PRKG1: variants seen among roughly 807,000 people sequenced by gnomAD.
PRKG1 encodes the protein cGMP-dependent protein kinase 1.
PRKG1 carries 35 observed loss-of-function variants against 88.1 expected under a neutral mutation model. The ratio of observed to expected loss-of-function variants is 0.40; its 90% CI spans 0.30 to 0.53. The LOEUF (loss-of-function observed/expected upper bound fraction) is 0.53, where lower values mean the gene tolerates loss of function less well. Among genes scored for constraint, PRKG1 ranks in the 20% least tolerant of loss-of-function variants. The pLI is 0.59. For synonymous variants in PRKG1, 303 were observed against 292.5 expected, an observed-to-expected ratio of 1.04 and a Z score of -0.37; for missense variants, 540 against 839.8, an observed-to-expected ratio of 0.64 and a Z score of 4.41.
chr10:52,144,687 C>T (rs1334856127), intron 8 of PRKG1, among the ~76,000 whole-genome samples: 1 of 151,368 alleles, frequency 6.6e-6, no homozygotes, highest in East Asian at 2.0e-4. Flanking sequence ...CATGGTGGCA[C>T]ACACCTGTAG....
chr10:51,235,757 GTGAAAAT>G (rs1357846577), intron 2 of PRKG1, among the ~76,000 whole-genome samples: 3 of 152,112 alleles, frequency 2.0e-5, no homozygotes, highest in Non-Finnish European at 4.4e-5. Context: ...CATCAAAATG[GTGAAAAT>G]TGGTTAAATT....
intron 2 of PRKG1, among the ~76,000 whole-genome samples, chr10:51,227,246 G>A (rs1589260538): frequency 6.6e-6 from 1 of 151,404 alleles, no homozygotes; most frequent in East Asian, 1.9e-4. Context: ...GTCATCATAG[G>A]CTTATAGTGC....
intron 17 of PRKG1, among the ~76,000 whole-genome samples, chr10:52,290,908 CTCTT>C (rs1398961063): frequency 1.4e-5 from 2 of 146,452 alleles, no homozygotes; most frequent in Non-Finnish European, 3.0e-5. Flanking sequence ...TACATGATCA[CTCTT>C]TTTTTTTTTT....
intron 2 of PRKG1, among the ~76,000 whole-genome samples, chr10:51,195,093 A>C (rs1904680): frequency 0.053 from 8,082 of 152,302 alleles, 399 homozygotes; most frequent in African/African-American, 0.13. Flanking sequence ...TGCAGGAAAC[A>C]CATAGCCTTC....
At chr10:51,372,354 G>A (rs1340742649) in intron 2 of PRKG1, among the ~76,000 whole-genome samples, 1 of 152,066 alleles carries the variant, frequency 6.6e-6, no homozygotes, top group African/African-American at 2.4e-5. Context: ...AAGTACAATT[G>A]AGTTCTTTAT....
chr10:51,106,878 C>G (rs74131736), intron 1 of PRKG1, among the ~76,000 whole-genome samples: 5,107 of 152,214 alleles, frequency 0.034, 214 homozygotes, highest in African/African-American at 0.099. Context: ...AGCATGATGT[C>G]AGGGACACAA....
intron 2 of PRKG1, among the ~76,000 whole-genome samples, chr10:51,253,664 T>G (rs910511883): frequency 1.3e-5 from 2 of 151,946 alleles, no homozygotes; most frequent in Non-Finnish European, 2.9e-5. Flanking sequence ...TGTATTGTAC[T>G]TCATGTTCAC....
At chr10:52,229,994 C>A (rs1017053037) in intron 9 of PRKG1, among the ~76,000 whole-genome samples, 2 of 151,900 alleles carry the variant, frequency 1.3e-5, no homozygotes, top group African/African-American at 2.4e-5. Context: ...TGATTGTATA[C>A]AATATGGTTC....
chr10:51,301,263 G>A (rs1244806872), intron 2 of PRKG1, among the ~76,000 whole-genome samples: 2 of 152,066 alleles, frequency 1.3e-5, no homozygotes, highest in African/African-American at 2.4e-5. Flanking sequence ...TGGCTGAAGG[G>A]TATTTTTAAT....
rs186918141 is a variant in PRKG1, at chr10:51,880,601, C to T, written c.699-26906C>T. On this transcript the variant is annotated intron_variant, in intron 4 of 17. Transcript: ENST00000373980. ...AGAAGCTGGTAACTAATATAAAAGT[C>T]CTGTATTGGTTTTGGCTGTGTTAAT... Among the ~76,000 whole-genome samples the T allele has an allele frequency of 3.3e-5, 5 of 152,296 alleles. No homozygotes were observed. The East Asian group carries it at 9.6e-4, about 29-fold the overall frequency.
chr10:51,874,439 A>G (rs1419222616), intron 4 of PRKG1, among the ~76,000 whole-genome samples: 1 of 152,252 alleles, frequency 6.6e-6, no homozygotes, highest in Non-Finnish European at 1.5e-5. Context: ...GCAACTGTGA[A>G]GTGATTTTAA....
At chr10:51,536,267 T>G (rs1476831496) in intron 3 of PRKG1, among the ~76,000 whole-genome samples, 2 of 152,138 alleles carry the variant, frequency 1.3e-5, no homozygotes, top group Non-Finnish European at 2.9e-5. Flanking sequence ...GTATTAAAAA[T>G]TTTTGACTTA....
At chr10:51,419,623 C>A (rs1354557018) in intron 2 of PRKG1, among the ~76,000 whole-genome samples, 1 of 152,012 alleles carries the variant, frequency 6.6e-6, no homozygotes, top group East Asian at 1.9e-4. Flanking sequence ...CTCTGTTGTA[C>A]AGTGGAGAGA....
At chr10:52,084,030 A>G (rs1049106716) in intron 7 of PRKG1, among the ~76,000 whole-genome samples, 2 of 152,098 alleles carry the variant, frequency 1.3e-5, no homozygotes, top group East Asian at 1.9e-4. Context: ...TTGATGGACT[A>G]TAAGGAACTT....
At chr10:51,179,256 T>C (rs2132022183) in intron 2 of PRKG1, among the ~76,000 whole-genome samples, 1 of 152,366 alleles carries the variant, frequency 6.6e-6, no homozygotes, top group South Asian at 2.1e-4. Flanking sequence ...ATCCAGCATC[T>C]ATTTCAAGAC....
chr10:51,541,744 AC>A (rs1223551644), intron 3 of PRKG1, among the ~76,000 whole-genome samples: 1 of 152,106 alleles, frequency 6.6e-6, no homozygotes, highest in Non-Finnish European at 1.5e-5. Context: ...AGAAAAAAAA[AC>A]AAACTATTTT....
chr10:52,113,606 T>G (rs760858676), intron 7 of PRKG1, among the ~76,000 whole-genome samples: 1 of 152,118 alleles, frequency 6.6e-6, no homozygotes, highest in Non-Finnish European at 1.5e-5. Context: ...CTGTGTCCTG[T>G]TCTACAGGTC....
rs1052095075 is a variant in PRKG1 at position 51,857,384 on chromosome 10, T to A, written c.699-50123T>A. On this transcript the variant is annotated intron_variant, in intron 4 of 17. Coordinates refer to ENST00000373980, the MANE Select transcript of PRKG1 (RefSeq NM_006258.4). Reference sequence around the variant, plus strand: ...GTGTTACTATTTTCAAAGCCTTTTTTAAATCTGTTATATCTTGTGATGCCA... The same window carrying A: ...GTGTTACTATTTTCAAAGCCTTTTTAAAATCTGTTATATCTTGTGATGCCA... 1.7e-4 allele frequency among the ~76,000 whole-genome samples: 26 copies of A among 152,350 alleles called. No homozygotes were observed. The East Asian group carries it at 2.1e-3, about 12-fold the overall frequency.
chr10:51,112,723 G>A (rs1845007289), intron 1 of PRKG1, among the ~76,000 whole-genome samples: 1 of 151,918 alleles, frequency 6.6e-6, no homozygotes, highest in Non-Finnish European at 1.5e-5. Context: ...GGTGAAATTA[G>A]GAACTATATG....
Sources: gnomAD v4.1 joint callset for allele counts (sites outside exome capture counted in the v4.1 genomes callset) on GRCh38, gnomAD v4.1.1 for gene constraint, MANE v1.5 for transcripts, NCBI Gene and HGNC (gene_info 2026-07-23, HGNC 2026-07-21) for gene names.